Variants in ADARB2 observed in about 807,000 individuals in gnomAD.
ADARB2 encodes adenosine deaminase RNA specific B2 (inactive).
In ADARB2, 25 loss-of-function variants were observed where a neutral mutation model predicts 62.2. The ratio of observed to expected loss-of-function variants is 0.40; its 90% CI spans 0.29 to 0.56. The LOEUF (loss-of-function observed/expected upper bound fraction) is 0.56, where lower values mean the gene tolerates loss of function less well. Ranked by LOEUF, ADARB2 falls within the 20% of genes least tolerant of loss-of-function variation. The probability of loss-of-function intolerance (pLI) is 0.43; values close to 1 mark genes in which losing one functional copy is unlikely to be tolerated. For missense variants in ADARB2, 1,071 were observed against 1,077.4 expected, an observed-to-expected ratio of 0.99 and a Z score of 0.08; for synonymous variants, 572 against 500.8, an observed-to-expected ratio of 1.14 and a Z score of -1.90.
At chr10:1,690,832 A>G (rs961831482) in intron 1 of ADARB2, among the ~76,000 whole-genome samples, 16 of 152,032 alleles carry the variant, frequency 1.1e-4, no homozygotes, top group African/African-American at 3.9e-4. Context: ...GGTCTCCCCG[A>G]TCCTCCTCCC....
intron 1 of ADARB2, among the ~76,000 whole-genome samples, chr10:1,660,719 C>A (rs1834235585): frequency 6.6e-6 from 1 of 152,228 alleles, no homozygotes; most frequent in Non-Finnish European, 1.5e-5. Context: ...TGCCCATCCC[C>A]AGCCCTGCAC....
intron 1 of ADARB2, among the ~76,000 whole-genome samples, chr10:1,523,550 G>A (rs891902128): frequency 9.9e-5 from 15 of 152,134 alleles, no homozygotes; most frequent in Non-Finnish European, 1.5e-5. Flanking sequence ...TCTCTATCAC[G>A]AGTTTCTGCA....
chr10:1,422,184 C>T (rs1832857650), intron 1 of ADARB2, among the ~76,000 whole-genome samples: 1 of 152,216 alleles, frequency 6.6e-6, no homozygotes, highest in African/African-American at 2.4e-5. Flanking sequence ...CGTCAAGGTA[C>T]ATCAAAGGAA....
chr10:1,437,285 G>T (rs1483246960), intron 1 of ADARB2, among the ~76,000 whole-genome samples: 1 of 138,442 alleles, frequency 7.2e-6, no homozygotes, highest in Non-Finnish European at 1.6e-5. Flanking sequence ...TATATATATA[G>T]CTAACTTTCC....
rs749190776 is a variant in ADARB2, at chr10:1,379,094, G to A, written c.167C>T (p.Thr56Met). Residue 56 changes from threonine to methionine, a missense_variant, in exon 2 of 10, where the codon ACG becomes ATG. Transcript: ENST00000381312. ...FKHLSPGITN[T>M]EDDDTLSTSS... is the part of the protein sequence containing the mutation. ...CTTACTGAGGGTGTCGTCATCCTCC[G>A]TGTTTGTGATGCCAGGACTCAGGTG... 10 of 1,613,614 alleles carry A rather than the reference G, an allele frequency of 6.2e-6. No homozygotes were observed. Among genetic ancestry groups the A allele is most frequent in the Non-Finnish European group, 7.6e-6 (9 of 1,179,612 alleles).
intron 1 of ADARB2, among the ~76,000 whole-genome samples, chr10:1,572,490 G>A (rs991171262): frequency 6.6e-6 from 1 of 152,136 alleles, no homozygotes; most frequent in East Asian, 1.9e-4. Flanking sequence ...ATGACTGTGA[G>A]GGTGTTTGTT....
In ADARB2 at chr10:1,501,801, G is replaced by T. The variant is rs565853149; in HGVS notation, c.101-122641C>A. Among the ~76,000 whole-genome samples, 6 of 152,256 alleles carry T rather than the reference G, an allele frequency of 3.9e-5. No homozygotes were observed. In the South Asian group the frequency reaches 1.2e-3, roughly 32 times the overall value. ...GGCATTTCAGGAGGATTAGAAAACA[G>T]AATTCTTTTTTTATTCACTGACAAG... On this transcript the variant is annotated intron_variant, in intron 1 of 9. Coordinates refer to ENST00000381312, the MANE Select transcript of ADARB2 (RefSeq NM_018702.4).
At chr10:1,260,407 T>C (rs200559112) in intron 4 of ADARB2, among the ~76,000 whole-genome samples, 1,730 of 151,694 alleles carry the variant, frequency 0.011, 64 homozygotes, top group East Asian at 0.079. Flanking sequence ...AAAACCCCAT[T>C]GTCTCAGCCC....
At chr10:1,574,401 C>T (rs1166744657) in intron 1 of ADARB2, among the ~76,000 whole-genome samples, 2 of 152,136 alleles carry the variant, frequency 1.3e-5, no homozygotes, top group African/African-American at 2.4e-5. Context: ...ATTGGGCAGA[C>T]GACGGGAGCC....
intron 1 of ADARB2, among the ~76,000 whole-genome samples, chr10:1,402,608 G>C (rs979400117): frequency 6.6e-6 from 1 of 152,090 alleles, no homozygotes; most frequent in Non-Finnish European, 1.5e-5. Flanking sequence ...TCATCGAGTC[G>C]GAGGCGGCCC....
At chr10:1,690,764 C>T (rs1011460932) in intron 1 of ADARB2, among the ~76,000 whole-genome samples, 9 of 152,292 alleles carry the variant, frequency 5.9e-5, no homozygotes, top group Admixed American at 1.3e-4. Context: ...CCCTCTGGGC[C>T]GGCCCTTCCT....
At chr10:1,671,428 T>A (rs1367694503) in intron 1 of ADARB2, among the ~76,000 whole-genome samples, 1 of 152,254 alleles carries the variant, frequency 6.6e-6, no homozygotes. Context: ...AAGTCTGCTA[T>A]CAACCTGGAG....
At chr10:1,212,544 C>T (rs1238785092) in intron 7 of ADARB2, among the ~76,000 whole-genome samples, 4 of 152,222 alleles carry the variant, frequency 2.6e-5, no homozygotes, top group Non-Finnish European at 4.4e-5. Flanking sequence ...TGCCCCTCCT[C>T]CCCCTCCTGC....
chr10:1,245,350 T>C (rs1024637615), intron 4 of ADARB2, among the ~76,000 whole-genome samples: 4 of 152,240 alleles, frequency 2.6e-5, no homozygotes, highest in African/African-American at 9.7e-5. Context: ...TCTTTTTTAT[T>C]ATACTTTAAG....
At chr10:1,459,538 T>C (rs1196812493) in intron 1 of ADARB2, among the ~76,000 whole-genome samples, 1 of 135,428 alleles carries the variant, frequency 7.4e-6, no homozygotes, top group Non-Finnish European at 1.6e-5. Context: ...CAAGGGGGGG[T>C]GGATCACCTG....
At chr10:1,487,786 A>C (rs1290886459) in intron 1 of ADARB2, among the ~76,000 whole-genome samples, 3 of 152,210 alleles carry the variant, frequency 2.0e-5, no homozygotes, top group African/African-American at 4.8e-5. Flanking sequence ...GCTCTGAAGA[A>C]CCAAGAGTGG....
chr10:1,301,007 C>T (rs1291459301), intron 3 of ADARB2, among the ~76,000 whole-genome samples: 5 of 152,160 alleles, frequency 3.3e-5, no homozygotes, highest in Non-Finnish European at 5.9e-5. Flanking sequence ...ATTGCCGGAC[C>T]GTGGTGTCAT....
intron 1 of ADARB2, among the ~76,000 whole-genome samples, chr10:1,711,000 T>C (rs9702737): frequency 0.65 from 98,264 of 151,922 alleles, 32,139 homozygotes; most frequent in South Asian, 0.78. Context: ...GTTTGAAAGT[T>C]AGTTCTTGCA....
intron 1 of ADARB2, among the ~76,000 whole-genome samples, chr10:1,451,960 G>C (rs1394403571): frequency 6.6e-6 from 1 of 152,076 alleles, no homozygotes; most frequent in Non-Finnish European, 1.5e-5. Context: ...TTTTAGAGAG[G>C]TCACAGGACA....
Sources: gnomAD v4.1 joint callset for allele counts (sites outside exome capture counted in the v4.1 genomes callset) on GRCh38, gnomAD v4.1.1 for gene constraint, MANE v1.5 for transcripts, NCBI Gene and HGNC (gene_info 2026-07-23, HGNC 2026-07-21) for gene names.